LRRFIP2: variants seen among roughly 807,000 people sequenced by gnomAD.
LRRFIP2 encodes the protein leucine-rich repeat flightless-interacting protein 2.
In LRRFIP2, 109 loss-of-function variants were observed where a neutral mutation model predicts 125.9. The ratio of observed to expected loss-of-function variants is 0.87; its 90% confidence interval spans 0.74 to 1.01. The LOEUF (loss-of-function observed/expected upper bound fraction) is 1.01, where lower values mean the gene tolerates loss of function less well. LRRFIP2 is among the 50% of genes least tolerant of loss of function. The probability of loss-of-function intolerance (pLI) is 0.00; values close to 1 mark genes in which losing one functional copy is unlikely to be tolerated. For synonymous variants in LRRFIP2, 291 were observed against 293.1 expected (o/e 0.99, Z 0.07); for missense variants, 850 against 862.3 (o/e 0.99, Z 0.18).
At chr3:37,096,685 C>A in intron 15 of LRRFIP2, 25 bp from the exon 16 acceptor site, 1 of 1,445,652 alleles carries the variant, frequency 6.9e-7, no homozygotes, top group South Asian at 1.2e-5. Flanking sequence ...AGATAAAAAT[C>A]AGTAAAGATG....
At chr3:37,173,466 T>C (rs534745217) in intron 1 of LRRFIP2, among the ~76,000 whole-genome samples, 37 of 152,340 alleles carry the variant, frequency 2.4e-4, no homozygotes, top group African/African-American at 8.7e-4. Context: ...GAGTTTTAAA[T>C]GATGATCACA....
In LRRFIP2 at chr3:37,060,073, TC is replaced by T. The variant is rs1366769043; in HGVS notation, c.1750-1164del. ...TATGTGCATCTCACAAAGGGTCATA[TC>T]CTTCCTCTGCAGTCTTCCTCACAAG... On this transcript the variant is annotated intron_variant, in intron 24 of 27. Transcript: ENST00000336686. The surrounding 1 kb of genome is among the most constrained non-coding windows in gnomAD (Gnocchi z 4.1). Among the ~76,000 whole-genome samples the T allele has an allele frequency of 1.3e-5, 2 of 152,144 alleles. No homozygotes were observed. The highest frequency in any genetic ancestry group is 2.9e-5 in the Non-Finnish European group (2 of 68,018).
intron 1 of LRRFIP2, among the ~76,000 whole-genome samples, chr3:37,158,361 C>T (rs1027165489): frequency 6.6e-6 from 1 of 151,868 alleles, no homozygotes; most frequent in Non-Finnish European, 1.5e-5. Context: ...AATCCCAGCA[C>T]TTTGGGAGGT....
chr3:37,100,241 G>C (rs7638252), intron 15 of LRRFIP2, among the ~76,000 whole-genome samples: 67,616 of 151,766 alleles, frequency 0.45, 15,724 homozygotes, highest in Non-Finnish European at 0.48. Context: ...AGGAAGATCA[G>C]TTGAGCCCAA....
At chr3:37,095,751 A>G (rs1454825361) in intron 16 of LRRFIP2, among the ~76,000 whole-genome samples, 1 of 152,160 alleles carries the variant, frequency 6.6e-6, no homozygotes, top group East Asian at 1.9e-4. Context: ...TTAATGCCTC[A>G]GCCTCCCAGA....
chr3:37,109,514 G>C lies in LRRFIP2; in HGVS notation c.609+13C>G, dbSNP rs780395238. On this transcript the variant is annotated intron_variant, in intron 11 of 27. Coordinates refer to ENST00000336686, the MANE Select transcript of LRRFIP2 (RefSeq NM_006309.4). ...CACCAGCACTGCACACACTGGAAGA[G>C]GAAAATACAAACCAGACTGGCACTT... is the stretch of plus-strand genomic sequence containing the variant. 1 of 1,613,904 alleles carries C rather than the reference G, an allele frequency of 6.2e-7. No homozygotes were observed. Among genetic ancestry groups the C allele is most frequent in the Non-Finnish European group, 8.5e-7 (1 of 1,179,856 alleles).
chr3:37,059,684 G>A (rs887341493), intron 24 of LRRFIP2, among the ~76,000 whole-genome samples: 1 of 152,074 alleles, frequency 6.6e-6, no homozygotes, highest in African/African-American at 2.4e-5. Flanking sequence ...CTACTCCAGA[G>A]GCTGAGGCAG....
At chr3:37,096,568 C>G in intron 16 of LRRFIP2, 48 bp downstream of exon 16, 2 of 1,136,236 alleles carry the variant, frequency 1.8e-6, no homozygotes, top group Middle Eastern at 2.0e-4. Context: ...TTACAGATAG[C>G]AAGTTTAATT....
chr3:37,112,709 T>A (rs950027689), intron 8 of LRRFIP2, among the ~76,000 whole-genome samples: 1 of 152,240 alleles, frequency 6.6e-6, no homozygotes, highest in African/African-American at 2.4e-5. Context: ...TCTTGTGATA[T>A]AGTACTAACT....
chr3:37,072,872 C>T lies in LRRFIP2; in HGVS notation c.1382G>A (p.Arg461His), dbSNP rs747194248. Residue 461 changes from arginine (R) to histidine (H), a missense_variant, in exon 21 of 28, where the codon CGC (arginine) becomes CAC (histidine). Coordinates refer to ENST00000336686, the MANE Select transcript of LRRFIP2 (RefSeq NM_006309.4). ...CATGGTGTCTATTTTCTGCTGCATG[C>T]GCTGCTTCTCCTGCAGAGGAAGAGG... ...QRDELIEEKQ[R>H]MQQKIDTMTK... 8 of 1,609,158 alleles carry T rather than the reference C, an allele frequency of 5.0e-6. No homozygotes were observed. The highest frequency in any genetic ancestry group is 1.6e-4 in the Middle Eastern group (1 of 6,074).
chr3:37,142,891 C>T (rs1336129739), intron 2 of LRRFIP2, among the ~76,000 whole-genome samples: 1 of 152,226 alleles, frequency 6.6e-6, no homozygotes, highest in Admixed American at 6.5e-5. Flanking sequence ...TTAGATGTCT[C>T]TTCCAAATAT....
At chr3:37,090,519 T>C (rs2093369058) in intron 18 of LRRFIP2, among the ~76,000 whole-genome samples, 1 of 152,190 alleles carries the variant, frequency 6.6e-6, no homozygotes, top group Admixed American at 6.5e-5. Flanking sequence ...CATGAGCCAC[T>C]GTGCCTGCCC....
intron 15 of LRRFIP2, among the ~76,000 whole-genome samples, chr3:37,097,260 A>ACG (rs2093768959): frequency 1.3e-5 from 2 of 151,416 alleles, no homozygotes; most frequent in Non-Finnish European, 2.9e-5. Flanking sequence ...CTACCATGCC[A>ACG]TACCCTGACC....
chr3:37,113,431 G>A (rs1054916879), intron 7 of LRRFIP2, among the ~76,000 whole-genome samples: 6 of 152,230 alleles, frequency 3.9e-5, no homozygotes, highest in African/African-American at 1.4e-4. Context: ...TGAGTAGGTA[G>A]GACCACAGGC....
At chr3:37,091,584 G>C (rs73824629) in intron 17 of LRRFIP2, 46 bp from the exon 18 acceptor site, 1 of 1,339,940 alleles carries the variant, frequency 7.5e-7, no homozygotes, top group South Asian at 1.3e-5. Flanking sequence ...ATGCACAAAC[G>C]TATCTTAAAT....
chr3:37,145,926 T>TA (rs1352448172), intron 2 of LRRFIP2, among the ~76,000 whole-genome samples: 1 of 152,194 alleles, frequency 6.6e-6, no homozygotes, highest in African/African-American at 2.4e-5. Context: ...AAAATGCAGA[T>TA]AAAAAAACTG....
At chr3:37,103,071 A>G (rs1444100252) in intron 14 of LRRFIP2, 58 bp from the exon 15 acceptor site, 3 of 1,365,226 alleles carry the variant, frequency 2.2e-6, no homozygotes, top group East Asian at 2.5e-5. Flanking sequence ...AAAGAAAAAA[A>G]TAAGAACATT....
chr3:37,064,291 T>TC (rs1470265343), intron 23 of LRRFIP2: 2 of 155,192 alleles, frequency 1.3e-5, no homozygotes, highest in African/African-American at 4.8e-5. Flanking sequence ...GGGGACCCAC[T>TC]CCAAGATGTG....
At position 37,115,834 on chromosome 3, in the gene LRRFIP2, A is replaced by AT. The variant is rs543426624; in HGVS notation, c.331-740_331-739insA. The stretch of plus-strand genomic sequence containing the variant: ...TACCACATTTCAAATCCAGGGAAGA[A>AT]AAACTAAATAGTAACTACATAGATT... On this transcript the variant is annotated intron_variant, in intron 6 of 27. Coordinates refer to ENST00000336686, the MANE Select transcript of LRRFIP2 (RefSeq NM_006309.4). 2.6e-5 allele frequency among the ~76,000 whole-genome samples: 4 copies of AT among 152,350 alleles called. No individual in the cohort carries two copies. In the East Asian group the frequency reaches 7.7e-4, roughly 29 times the overall value.
Sources: gnomAD v4.1 joint callset for allele counts (sites outside exome capture counted in the v4.1 genomes callset) on GRCh38, gnomAD v4.1.1 for gene constraint, Gnocchi (gnomAD v3.1) non-coding constraint, MANE v1.5 for transcripts, NCBI Gene and HGNC (gene_info 2026-07-23, HGNC 2026-07-21) for gene names.